The following NSRP1 variants were observed in gnomAD, a reference collection of about 807,000 sequenced individuals.
NSRP1 encodes nuclear speckle splicing regulatory protein 1, also known as coiled-coil domain containing 55.
A neutral mutation model predicts 54.7 loss-of-function variants in NSRP1; 24 were observed. The observed-to-expected ratio is 0.44, with a 90% confidence interval of 0.32 to 0.62. NSRP1 has a LOEUF of 0.62. Among genes scored for constraint, NSRP1 ranks in the 20% least tolerant of loss-of-function variants. NSRP1 has a pLI of 0.06. For missense variants in NSRP1, 596 were observed against 651.2 expected (o/e 0.92, Z 0.92); for synonymous variants, 210 against 213.8 (o/e 0.98, Z 0.15).
chr17:30,152,903 C>CTTTTTTTTTTTTTT (rs60246615), intron 2 of NSRP1, among the ~76,000 whole-genome samples: 4 of 46,914 alleles, frequency 8.5e-5, no homozygotes, highest in East Asian at 8.4e-4. Context: ...TTATTTTCAG[C>CTTTTTTTTTTTTTT]TTTTTTTTTT....
chr17:30,146,846 C>T (rs780167205), intron 2 of NSRP1, among the ~76,000 whole-genome samples: 4 of 152,206 alleles, frequency 2.6e-5, no homozygotes, highest in African/African-American at 4.8e-5. Flanking sequence ...CCACCTGGGC[C>T]TCACAAGGTG....
At chr17:30,169,318 A>G (rs963835207) in intron 2 of NSRP1, among the ~76,000 whole-genome samples, 16 of 152,224 alleles carry the variant, frequency 1.1e-4, no homozygotes, top group African/African-American at 3.6e-4. Flanking sequence ...GGCAGCAGGT[A>G]AACTCTGACA....
chr17:30,139,042 C>T (rs890306815), intron 2 of NSRP1, among the ~76,000 whole-genome samples: 5 of 149,132 alleles, frequency 3.4e-5, no homozygotes, highest in African/African-American at 1.3e-4. Context: ...CTCAGCCTCC[C>T]GAGTAGCTGG....
chr17:30,128,781 G>A (rs1305448844), intron 2 of NSRP1, among the ~76,000 whole-genome samples: 3 of 151,972 alleles, frequency 2.0e-5, no homozygotes, highest in East Asian at 3.9e-4. Context: ...GCAATACTAC[G>A]GCTATCACAT....
chr17:30,158,427 C>T (rs1027608187), intron 2 of NSRP1, among the ~76,000 whole-genome samples: 1 of 151,196 alleles, frequency 6.6e-6, no homozygotes, highest in Non-Finnish European at 1.5e-5. Context: ...GTCTCTTCTG[C>T]TGAGGGTTTT....
At chr17:30,158,514 A>T (rs1468633925) in intron 2 of NSRP1, among the ~76,000 whole-genome samples, 1 of 151,784 alleles carries the variant, frequency 6.6e-6, no homozygotes, top group African/African-American at 2.4e-5. Context: ...TGCTTTTGGG[A>T]TCTTGGCCAT....
intron 3 of NSRP1, among the ~76,000 whole-genome samples, chr17:30,176,610 C>CT (rs1332859339): frequency 3.3e-5 from 4 of 120,160 alleles, no homozygotes; most frequent in South Asian, 6.6e-4. Context: ...ACTTCGTCCC[C>CT]CCCCCCCCAA....
chr17:30,126,498 A>C (rs145263936), intron 2 of NSRP1, among the ~76,000 whole-genome samples: 290 of 152,318 alleles, frequency 1.9e-3, no homozygotes, highest in Middle Eastern at 6.8e-3. Context: ...AGCTTTTAAA[A>C]GCTTGCATTA....
intron 2 of NSRP1, among the ~76,000 whole-genome samples, chr17:30,165,778 A>G (rs779436010): frequency 6.6e-6 from 1 of 152,222 alleles, no homozygotes; most frequent in Non-Finnish European, 1.5e-5. Flanking sequence ...TTTCCTGTTT[A>G]TGGACATACT....
intron 2 of NSRP1, among the ~76,000 whole-genome samples, chr17:30,130,271 T>A (rs914189751): frequency 2.0e-5 from 3 of 152,016 alleles, no homozygotes; most frequent in East Asian, 1.9e-4. Flanking sequence ...AATTTTTTTT[T>A]ATTTTTTTGT....
intron 2 of NSRP1, among the ~76,000 whole-genome samples, chr17:30,137,492 T>C (rs2071760589): frequency 6.6e-6 from 1 of 152,222 alleles, no homozygotes; most frequent in Admixed American, 6.5e-5. Context: ...TGCATATAGG[T>C]ACTGTGCCTT....
intron 2 of NSRP1, among the ~76,000 whole-genome samples, chr17:30,158,606 T>G (rs1174656445): frequency 6.6e-6 from 1 of 151,818 alleles, no homozygotes; most frequent in Non-Finnish European, 1.5e-5. Flanking sequence ...GGCCTTATCT[T>G]AAGTCTGTAA....
At chr17:30,176,836 GA>G (rs1396848895) in intron 3 of NSRP1, among the ~76,000 whole-genome samples, 1 of 151,978 alleles carries the variant, frequency 6.6e-6, no homozygotes, top group Non-Finnish European at 1.5e-5. Context: ...CAATATTCTA[GA>G]AAAAAAGTTT....
In NSRP1 at chr17:30,185,870, G is replaced by A; in HGVS notation, c.*196G>A. On this transcript the variant is annotated 3_prime_UTR_variant, in exon 7 of 7. Coordinates refer to ENST00000247026, the MANE Select transcript of NSRP1 (RefSeq NM_032141.4). ...ATGTTTGGCTGAATTTATATATAGT[G>A]TGTACTCATCAATACCACATTCTTT... 1.7e-5 allele frequency: 8 copies of A among 484,120 alleles called. 1 individual carries two copies. In the South Asian group the frequency reaches 3.3e-4, roughly 20 times the overall value. The allele number at this position is 484,120 out of a possible 1,614,324, so 30.0% of individuals were successfully genotyped here.
intron 2 of NSRP1, among the ~76,000 whole-genome samples, chr17:30,170,854 A>G (rs1904905328): frequency 1.3e-5 from 2 of 152,168 alleles, no homozygotes; most frequent in African/African-American, 4.8e-5. Context: ...AAACCTCCAT[A>G]CTGTTTTCCA....
chr17:30,155,533 A>G (rs1396165013), intron 2 of NSRP1, among the ~76,000 whole-genome samples: 1 of 151,890 alleles, frequency 6.6e-6, no homozygotes, highest in Non-Finnish European at 1.5e-5. Context: ...TCATATCACT[A>G]TACCTTTTTT....
chr17:30,129,310 AAAT>A (rs2071679157), intron 2 of NSRP1, among the ~76,000 whole-genome samples: 1 of 152,080 alleles, frequency 6.6e-6, no homozygotes, highest in African/African-American at 2.4e-5. Context: ...GATAAGTAAA[AAAT>A]AATAAATGAA....
At chr17:30,138,272 C>G (rs1042126905) in intron 2 of NSRP1, among the ~76,000 whole-genome samples, 5 of 152,130 alleles carry the variant, frequency 3.3e-5, no homozygotes, top group Admixed American at 6.6e-5. Flanking sequence ...GTGAATAATG[C>G]TGCTATGAAC....
rs1905180879 is a variant in NSRP1 at position 30,177,975 on chromosome 17, A to G, written c.172-96A>G. On this transcript the variant is annotated intron_variant, in intron 3 of 6. Coordinates refer to ENST00000247026, the MANE Select transcript of NSRP1 (RefSeq NM_032141.4). ...AAAATGTGATTGTAATTTTTATGAT[A>G]TATTTTCAATTTATGAACCATTCTC... 4.5e-6 allele frequency: 6 copies of G among 1,335,004 alleles called. No individual in the cohort carries two copies. The East Asian group carries it at 9.3e-5, about 21-fold the overall frequency. 82.7% of individuals were successfully genotyped at this position (1,335,004 alleles called of 1,614,324 possible). A position where few individuals can be genotyped will look rare whatever the true frequency, so the allele number is the denominator to read the frequency against.
Sources: gnomAD v4.1 joint callset for allele counts (sites outside exome capture counted in the v4.1 genomes callset) on GRCh38, gnomAD v4.1.1 for gene constraint, MANE v1.5 for transcripts, NCBI Gene and HGNC (gene_info 2026-07-23, HGNC 2026-07-21) for gene names.